Variants in PRSS23 observed in about 807,000 individuals in gnomAD.
The protein encoded by PRSS23 is protease, serine 23.
Under a neutral mutation model 34.7 loss-of-function variants are expected in PRSS23, and 25 were observed. The ratio of observed to expected loss-of-function variants is 0.72; its 90% CI spans 0.53 to 1.01. The LOEUF (loss-of-function observed/expected upper bound fraction) is 1.01. Among genes scored for constraint, PRSS23 ranks in the 50% least tolerant of loss-of-function variants. The probability of loss-of-function intolerance (pLI) is 0.00; values close to 1 mark genes in which losing one functional copy is unlikely to be tolerated. For missense variants in PRSS23, 445 were observed against 475.6 expected, an observed-to-expected ratio of 0.94 and a Z score of 0.60; for synonymous variants, 176 against 186.6, an observed-to-expected ratio of 0.94 and a Z score of 0.46.
chr11:86,951,522 C>A, exon 3 of PRSS23: 1 of 1,614,138 alleles, frequency 6.2e-7, no homozygotes, highest in Non-Finnish European at 8.5e-7. Context: ...TTGAACAAGG[C>A]CACCAAACCT....
intron 2 of PRSS23, among the ~76,000 whole-genome samples, chr11:86,879,973 T>C (rs1948761735): frequency 6.6e-6 from 1 of 151,430 alleles, no homozygotes. Flanking sequence ...GAACGGGCCA[T>C]GATGACAATG....
intron 2 of PRSS23, among the ~76,000 whole-genome samples, chr11:86,924,185 T>C (rs149474292): frequency 6.6e-6 from 1 of 152,076 alleles, no homozygotes; most frequent in Non-Finnish European, 1.5e-5. Flanking sequence ...AGTGAAACAT[T>C]GACCAGTTCT....
intron 2 of PRSS23, among the ~76,000 whole-genome samples, chr11:86,873,834 C>G (rs79958944): frequency 0.015 from 2,236 of 152,128 alleles, 21 homozygotes; most frequent in Middle Eastern, 0.048. Context: ...AAAAGAGAAC[C>G]AGAGAGAGGG....
chr11:86,860,235 C>T (rs12283389), intron 2 of PRSS23, among the ~76,000 whole-genome samples: 58,604 of 150,568 alleles, frequency 0.39, 11,772 homozygotes, highest in African/African-American at 0.49. Flanking sequence ...GTGATATTGT[C>T]GCTCATATCC....
At chr11:86,825,147 T>C (rs957962808) in intron 2 of PRSS23, among the ~76,000 whole-genome samples, 47 of 151,918 alleles carry the variant, frequency 3.1e-4, no homozygotes, top group Admixed American at 9.2e-4. Context: ...ACCTGTTGTT[T>C]CCTGACTTTT....
At chr11:86,807,015 A>G (rs1318884141) in intron 1 of PRSS23, among the ~76,000 whole-genome samples, 1 of 152,192 alleles carries the variant, frequency 6.6e-6, no homozygotes, top group Admixed American at 6.5e-5. Context: ...CAAAGCAAAA[A>G]ACAAAACAAA....
intron 2 of PRSS23, among the ~76,000 whole-genome samples, chr11:86,855,000 T>C (rs2134923885): frequency 6.6e-6 from 1 of 152,222 alleles, no homozygotes. Flanking sequence ...ACCTCATCTC[T>C]ACTAAAAATA....
chr11:86,937,235 G>A (rs1316227489), intron 2 of PRSS23: 3 of 152,190 alleles, frequency 2.0e-5, no homozygotes, highest in Non-Finnish European at 4.4e-5. Context: ...TCTTTGAAAA[G>A]TATGAACCAT....
chr11:86,940,219 A>G (rs1027119350), intron 2 of PRSS23, among the ~76,000 whole-genome samples: 1 of 152,102 alleles, frequency 6.6e-6, no homozygotes, highest in Non-Finnish European at 1.5e-5. Context: ...AGTGAAACTC[A>G]AGATCTCCAG....
chr11:86,885,456 A>G (rs1180465233), intron 2 of PRSS23, among the ~76,000 whole-genome samples: 1 of 152,208 alleles, frequency 6.6e-6, no homozygotes, highest in Non-Finnish European at 1.5e-5. Flanking sequence ...ATTATTCTAC[A>G]TATTTCTATG....
intron 2 of PRSS23, among the ~76,000 whole-genome samples, chr11:86,891,072 G>A (rs557497048): frequency 6.6e-6 from 1 of 152,188 alleles, no homozygotes; most frequent in Admixed American, 6.5e-5. Flanking sequence ...CTAATTATTT[G>A]AGCTCAACTC....
intron 2 of PRSS23, among the ~76,000 whole-genome samples, chr11:86,828,463 G>T (rs1164435199): frequency 6.6e-6 from 1 of 152,090 alleles, no homozygotes; most frequent in East Asian, 1.9e-4. Context: ...GCCAGTCTGT[G>T]TCTTTTAATT....
At chr11:86,840,113 A>G (rs1407774036) in intron 2 of PRSS23, among the ~76,000 whole-genome samples, 2 of 152,148 alleles carry the variant, frequency 1.3e-5, no homozygotes, top group Non-Finnish European at 2.9e-5. Flanking sequence ...TTAACCTTAA[A>G]TGTAAGTGGG....
At chr11:86,879,836 C>T (rs1362696812) in intron 2 of PRSS23, among the ~76,000 whole-genome samples, 6 of 131,824 alleles carry the variant, frequency 4.6e-5, no homozygotes, top group African/African-American at 1.1e-4. Context: ...GGGTCAGCCC[C>T]CCGCCCGGCC....
At chr11:86,917,047 C>A (rs11234873) in intron 2 of PRSS23, among the ~76,000 whole-genome samples, 1 of 152,162 alleles carries the variant, frequency 6.6e-6, no homozygotes, top group Non-Finnish European at 1.5e-5. Flanking sequence ...GAGCCGGGCG[C>A]GGTCGCTCAC....
intron 2 of PRSS23, among the ~76,000 whole-genome samples, chr11:86,877,228 G>A (rs979844995): frequency 9.8e-6 from 1 of 101,930 alleles, no homozygotes. Context: ...GGGGTCAAGG[G>A]CAATGACTGT....
At chr11:86,948,969 G>C (rs1439121080) in intron 2 of PRSS23, 2 of 152,688 alleles carry the variant, frequency 1.3e-5, no homozygotes, top group African/African-American at 4.8e-5. Flanking sequence ...GCGTGCTCCA[G>C]GGCCGTGGAC....
At chr11:86,866,450 C>G (rs1424438240) in intron 2 of PRSS23, among the ~76,000 whole-genome samples, 1 of 152,124 alleles carries the variant, frequency 6.6e-6, no homozygotes, top group Non-Finnish European at 1.5e-5. Context: ...GACTACCTGC[C>G]TATTTAAGCA....
intron 2 of PRSS23, among the ~76,000 whole-genome samples, chr11:86,924,174 G>A (rs7115996): frequency 0.59 from 90,243 of 151,920 alleles, 27,194 homozygotes; most frequent in Non-Finnish European, 0.65. Flanking sequence ...GACAGCAGGG[G>A]AGTGAAACAT....
Sources: gnomAD v4.1 joint callset for allele counts (sites outside exome capture counted in the v4.1 genomes callset) on GRCh38, gnomAD v4.1.1 for gene constraint, MANE v1.5 for transcripts, NCBI Gene and HGNC (gene_info 2026-07-23, HGNC 2026-07-21) for gene names.